PROX1: variants seen among roughly 807,000 people sequenced by gnomAD.
PROX1 encodes prospero homeobox 1, also known as prospero homeobox protein 1.
A neutral mutation model predicts 58.8 loss-of-function variants in PROX1; 7 were observed. The ratio of observed to expected loss-of-function variants is 0.12; its 90% CI spans 0.07 to 0.22. The LOEUF (loss-of-function observed/expected upper bound fraction) is 0.22. Among genes scored for constraint, PROX1 ranks in the 10% least tolerant of loss-of-function variants. PROX1 has a pLI of 1.00. For missense variants in PROX1, 675 were observed against 927.8 expected, an observed-to-expected ratio of 0.73 and a Z score of 3.54; for synonymous variants, 350 against 358.3, an observed-to-expected ratio of 0.98 and a Z score of 0.26.
At chr1:214,019,073 C>G (rs1664192985) in intron 4 of PROX1, among the ~76,000 whole-genome samples, 1 of 152,150 alleles carries the variant, frequency 6.6e-6, no homozygotes, top group South Asian at 2.1e-4. Flanking sequence ...CACTTAAAAG[C>G]CAGACAGCTG....
At chr1:213,984,880 T>A (rs1383932904), upstream of PROX1, 3 of 152,266 alleles carry the variant, frequency 2.0e-5, no homozygotes, top group Admixed American at 2.0e-4. Context: ...ATAACAGTTG[T>A]TTGTAAGGTT....
Position 213,997,953 on chromosome 1 carries a change from C to A in PROX1, c.1418C>A (p.Thr473Lys), listed in dbSNP as rs1256709799. Residue 473 changes from threonine to lysine, a missense_variant, in exon 2 of 5, where the codon ACG becomes AAG. Transcript: ENST00000366958. The surrounding 1 kb of genome is among the most constrained non-coding windows in gnomAD (Gnocchi z 7.1). ...PLHQSPLSATTGFTTSTFRHP... is the reference protein window; with the variant it reads ...PLHQSPLSATKGFTTSTFRHP... Reference sequence around the variant, plus strand: ...CACCAGTCGCCTCTCTCTGCCACCACGGGCTTCACCACGTCCACCTTCCGC... The same window carrying A: ...CACCAGTCGCCTCTCTCTGCCACCAAGGGCTTCACCACGTCCACCTTCCGC... The A allele has an allele frequency of 6.2e-7, 1 of 1,613,992 alleles. No individual in the cohort carries two copies.
At chr1:213,983,171 T>C (rs340879), upstream of PROX1, 77,675 of 152,208 alleles carry the variant, frequency 0.51, 21,252 homozygotes, top group South Asian at 0.62. Context: ...GCCCCGCTCC[T>C]GCCGAGTGCC....
intron 4 of PROX1, among the ~76,000 whole-genome samples, chr1:214,031,653 ATGTTTATT>A (rs1664662297): frequency 1.3e-5 from 2 of 152,212 alleles, no homozygotes; most frequent in South Asian, 4.1e-4. Flanking sequence ...TTTTCTGCAG[ATGTTTATT>A]GGTGATGGGA....
At chr1:214,027,405 A>G (rs1409348053) in intron 4 of PROX1, among the ~76,000 whole-genome samples, 1 of 152,170 alleles carries the variant, frequency 6.6e-6, no homozygotes, top group African/African-American at 2.4e-5. Context: ...TTTTAAAGTC[A>G]AGCATCAACC....
Position 214,036,013 on chromosome 1 carries a change from A to G in PROX1, c.*179A>G. ...CTCATTTTCTTTTGTTTTCCATTGC[A>G]AGGGGATGGTTGTTTTCTTTCTGCC... On this transcript the variant is annotated 3_prime_UTR_variant, in exon 5 of 5. Transcript: ENST00000366958. 1.9e-6 allele frequency: 1 copy of G among 520,478 alleles called. No homozygotes were observed. The highest frequency in any genetic ancestry group is 3.1e-6 in the Non-Finnish European group (1 of 320,550). 32.2% of individuals were successfully genotyped at this position (520,478 alleles called of 1,614,324 possible). A position where few individuals can be genotyped will look rare whatever the true frequency, so the allele number is the denominator to read the frequency against.
At chr1:213,994,750 AATATAT>A (rs66460564) in intron 1 of PROX1, among the ~76,000 whole-genome samples, 197 of 88,180 alleles carry the variant, frequency 2.2e-3, no homozygotes, top group East Asian at 5.4e-3. Context: ...CAAGCATGCA[AATATAT>A]ATATATATAT....
chr1:213,998,264 T>G lies in PROX1; in HGVS notation c.1725+4T>G, dbSNP rs771422847. The G allele has an allele frequency of 1.3e-6, 2 of 1,530,620 alleles. No homozygotes were observed. The highest frequency in any genetic ancestry group is 1.8e-6 in the Non-Finnish European group (2 of 1,140,176). The allele number at this position is 1,530,620 out of a possible 1,614,324, so 94.8% of individuals were successfully genotyped here. A position where few individuals can be genotyped will look rare whatever the true frequency, so the allele number is the denominator to read the frequency against. ...ATCACCTTATTCGGGAAGTGCAATA[T>G]CCTTTTATTTTCCCCTCGAGGAAAA... On this transcript the variant is annotated splice_donor_region_variant and intron_variant, in intron 2 of 4. Transcript: ENST00000366958.
rs1558169318 is a variant in PROX1, at chr1:213,997,002, G to C, written c.467G>C (p.Arg156Pro). Reference protein sequence around the residue: ...RPTMSQFDMDRLCDEHLRAKR... With the variant: ...RPTMSQFDMDPLCDEHLRAKR... The stretch of plus-strand genomic sequence containing the variant: ...ACTATGAGCCAGTTTGATATGGATC[G>C]CTTATGTGATGAGCACCTGAGAGCA... The change falls in exon 2 of 5, where the codon CGC becomes CCC. Residue 156 changes from arginine (R) to proline (P), a missense_variant. Around this residue, in one of 8 missense-constraint regions of PROX1, gnomAD observed 157 missense variants for 197.8 expected, o/e 0.79. Coordinates refer to ENST00000366958, the MANE Select transcript of PROX1 (RefSeq NM_001270616.2). This position sits in a 1 kb window ranked among gnomAD's most constrained non-coding sequence, Gnocchi z 7.1. The C allele has an allele frequency of 6.2e-7, 1 of 1,613,930 alleles. No individual in the cohort carries two copies. The highest frequency in any genetic ancestry group is 1.3e-5 in the African/African-American group (1 of 74,886).
intron 3 of PROX1, among the ~76,000 whole-genome samples, chr1:214,005,906 A>C (rs1383939584): frequency 6.6e-6 from 1 of 151,988 alleles, no homozygotes; most frequent in Non-Finnish European, 1.5e-5. Context: ...CATTCTACAG[A>C]ATATTGGGAC....
chr1:213,986,032 C>G (rs1407131122), upstream of PROX1: 1 of 152,250 alleles, frequency 6.6e-6, no homozygotes, highest in Non-Finnish European at 1.5e-5. Context: ...GATCCATTCT[C>G]AGATCCCAAG....
Position 213,997,748 on chromosome 1 carries a change from G to A in PROX1, c.1213G>A (p.Ala405Thr). Residue 405 changes from alanine to threonine, a missense_variant, in exon 2 of 5, where the codon GCC becomes ACC. Ala to Thr is a moderately conservative substitution (Grantham distance 58, BLOSUM62 0). Coordinates refer to ENST00000366958, the MANE Select transcript of PROX1 (RefSeq NM_001270616.2). This position sits in a 1 kb window ranked among gnomAD's most constrained non-coding sequence, Gnocchi z 7.1. ...VNGENHNFHT[A>T]NQRLQCFGDV... Reference sequence around the variant, plus strand: ...TGGGGAAAACCACAATTTCCACACCGCCAACCAGCGCCTGCAGTGCTTTGG... The same window carrying A: ...TGGGGAAAACCACAATTTCCACACCACCAACCAGCGCCTGCAGTGCTTTGG... The A allele has an allele frequency of 3.1e-6, 5 of 1,614,104 alleles. No homozygotes were observed. The highest frequency in any genetic ancestry group is 2.2e-5 in the East Asian group (1 of 44,868).
At chr1:214,016,739 TG>T (rs1664110811) in intron 4 of PROX1, among the ~76,000 whole-genome samples, 1 of 152,052 alleles carries the variant, frequency 6.6e-6, no homozygotes, top group Non-Finnish European at 1.5e-5. Flanking sequence ...AGGTTGGAAG[TG>T]GGGTTGAAGG....
rs183903818 is a variant in PROX1, at chr1:214,039,588, T to C, written c.*3754T>C. On this transcript the variant is annotated 3_prime_UTR_variant, in exon 5 of 5. Coordinates refer to ENST00000366958, the MANE Select transcript of PROX1 (RefSeq NM_001270616.2). ...AATAACTACATTCTCACGACATCTG[T>C]TGAATTTACTAGGAACACTACAGTG... The C allele has an allele frequency of 6.6e-6, 1 of 152,352 alleles. No individual in the cohort carries two copies. The highest frequency in any genetic ancestry group is 6.5e-5 in the Admixed American group (1 of 15,310). 9.4% of individuals were successfully genotyped at this position (152,352 alleles called of 1,614,324 possible).
At chr1:213,989,162 G>C (rs1662925290) in intron 1 of PROX1, among the ~76,000 whole-genome samples, 1 of 152,038 alleles carries the variant, frequency 6.6e-6, no homozygotes, top group East Asian at 1.9e-4. Context: ...GGGAGGTGGG[G>C]GGGCGCTCTG....
upstream of PROX1, chr1:213,985,164 C>A (rs1263579488): frequency 6.6e-6 from 1 of 152,216 alleles, no homozygotes; most frequent in Non-Finnish European, 1.5e-5. Context: ...GGAAGTGGGG[C>A]GGAGGGAGGA....
chr1:214,037,398 A>T lies in PROX1; in HGVS notation c.*1564A>T, dbSNP rs2102792012. The T allele has an allele frequency of 6.6e-6, 1 of 152,314 alleles. No homozygotes were observed. The highest frequency in any genetic ancestry group is 2.4e-5 in the African/African-American group (1 of 41,572). 9.4% of individuals were successfully genotyped at this position (152,314 alleles called of 1,614,324 possible). On this transcript the variant is annotated 3_prime_UTR_variant, in exon 5 of 5. Transcript: ENST00000366958. ...TATAGAACATAAATGCCATTTTTTA[A>T]TTCAACTTTAATAAGAATTACATTT...
At chr1:214,031,070 C>A (rs956033490) in intron 4 of PROX1, among the ~76,000 whole-genome samples, 2 of 144,990 alleles carry the variant, frequency 1.4e-5, no homozygotes, top group Non-Finnish European at 3.0e-5. Flanking sequence ...TGTGTGTGCG[C>A]GCGCGCGCAT....
intron 4 of PROX1, among the ~76,000 whole-genome samples, chr1:214,019,974 G>A (rs753055969): frequency 1.3e-5 from 2 of 152,086 alleles, no homozygotes; most frequent in Non-Finnish European, 2.9e-5. Context: ...TCTACAATGC[G>A]AAATGAAGTG....
Sources: gnomAD v4.1 joint callset for allele counts (sites outside exome capture counted in the v4.1 genomes callset) on GRCh38, gnomAD v4.1.1 for gene constraint, gnomAD v4.1.1 regional missense constraint, Gnocchi (gnomAD v3.1) non-coding constraint, MANE v1.5 for transcripts, NCBI Gene and HGNC (gene_info 2026-07-23, HGNC 2026-07-21) for gene names.